The following ECT2L variants were observed in gnomAD, a reference collection of about 807,000 sequenced individuals.
ECT2L encodes the protein epithelial cell-transforming sequence 2 oncogene-like.
ECT2L carries 126 observed loss-of-function variants against 122.8 expected under a neutral mutation model. That is an observed-to-expected ratio of 1.03 (90% CI 0.89 to 1.19). The LOEUF (loss-of-function observed/expected upper bound fraction) is 1.19. ECT2L is among the 50% of genes most tolerant of loss of function. The pLI is 0.00. For missense variants in ECT2L, 1,012 were observed against 1,064.1 expected, an observed-to-expected ratio of 0.95 and a Z score of 0.68; for synonymous variants, 385 against 381.8, an observed-to-expected ratio of 1.01 and a Z score of -0.10.
rs548995613 is a variant in ECT2L at position 138,880,942 on chromosome 6, AAC to A, written c.1666-12_1666-11del. On this transcript the variant is annotated splice_polypyrimidine_tract_variant and intron_variant, in intron 14 of 21. Coordinates refer to ENST00000541398, the MANE Select transcript of ECT2L (RefSeq NM_001077706.3). ...TTCTCCATCACTGACTTGAGTTCTTAACACTTCTCTACAGGAGAGAATACTCC... is the reference window on the plus strand; with the variant it reads ...TTCTCCATCACTGACTTGAGTTCTTAACTTCTCTACAGGAGAGAATACTCC... 2.6e-3 allele frequency: 4,135 copies of A among 1,610,064 alleles called. 42 individuals are homozygous for A. The highest frequency in any genetic ancestry group is 0.018 in the South Asian group (1,601 of 90,810).
intron 1 of ECT2L, among the ~76,000 whole-genome samples, chr6:138,797,503 G>A (rs1385822867): frequency 6.6e-6 from 1 of 152,182 alleles, no homozygotes; most frequent in African/African-American, 2.4e-5. Context: ...TTCTCCAGCT[G>A]TATAACAGAT....
intron 18 of ECT2L, among the ~76,000 whole-genome samples, chr6:138,886,143 C>CT (rs1778813272): frequency 6.6e-6 from 1 of 151,834 alleles, no homozygotes; most frequent in Non-Finnish European, 1.5e-5. Flanking sequence ...AAGTAAAATC[C>CT]TTTGTTTCTG....
In ECT2L at chr6:138,902,796, T is replaced by C. The variant is rs1779448122; in HGVS notation, c.*169T>C. The C allele has an allele frequency of 1.0e-5, 8 of 774,698 alleles. No homozygotes were observed. The South Asian group carries it at 1.2e-4, about 11-fold the overall frequency. 48.0% of individuals were successfully genotyped at this position (774,698 alleles called of 1,614,324 possible). On this transcript the variant is annotated 3_prime_UTR_variant, in exon 22 of 22. Transcript: ENST00000541398. ...AACTTTTAAACTTTATCACTTGTGCTCACTTATGTAGAATGTATAAGTACA... is the reference window on the plus strand; with the variant it reads ...AACTTTTAAACTTTATCACTTGTGCCCACTTATGTAGAATGTATAAGTACA...
intron 20 of ECT2L, among the ~76,000 whole-genome samples, chr6:138,897,116 G>T (rs1204194119): frequency 1.3e-5 from 2 of 152,076 alleles, no homozygotes; most frequent in Non-Finnish European, 2.9e-5. Flanking sequence ...CTGAATCACT[G>T]AATCTATCTG....
At chr6:138,844,387 C>A in intron 6 of ECT2L, 25 bp from the exon 7 acceptor site, 1 of 1,609,438 alleles carries the variant, frequency 6.2e-7, no homozygotes, top group Non-Finnish European at 8.5e-7. Context: ...GTAATCAGCC[C>A]CGCCTGCTGT....
In ECT2L at chr6:138,854,061, G is replaced by A; in HGVS notation, c.1105G>A (p.Glu369Lys). The A allele has an allele frequency of 1.2e-6, 2 of 1,614,152 alleles. No individual in the cohort carries two copies. The highest frequency in any genetic ancestry group is 2.7e-5 in the African/African-American group (2 of 75,040). Reference protein sequence around the residue: ...KIGVKNLLRPEVRDFWEKLGS... With the variant: ...KIGVKNLLRPKVRDFWEKLGS... ...TGGTGTTAAAAATTTACTGAGGCCT[G>A]AAGTGAGAGATTTCTGGGAGAAATT... The change falls in exon 10 of 22, where the codon GAA becomes AAA. Residue 369 changes from glutamate (E) to lysine (K), a missense_variant. Transcript: ENST00000541398.
chr6:138,837,621 T>A (rs1298559506), intron 4 of ECT2L, among the ~76,000 whole-genome samples: 1 of 147,304 alleles, frequency 6.8e-6, no homozygotes, highest in Non-Finnish European at 1.5e-5. Flanking sequence ...AAAATAAGTT[T>A]CTTCTAGAAG....
At chr6:138,895,100 G>GA (rs201479290) in intron 20 of ECT2L, among the ~76,000 whole-genome samples, 25 of 148,754 alleles carry the variant, frequency 1.7e-4, no homozygotes, top group East Asian at 1.2e-3. Context: ...CTCTACAGGG[G>GA]AAAAAAAAAC....
At chr6:138,902,339 A>G (rs1779429777) in intron 21 of ECT2L, among the ~76,000 whole-genome samples, 161 bp from the exon 22 acceptor site, 2 of 152,240 alleles carry the variant, frequency 1.3e-5, no homozygotes, top group Admixed American at 1.3e-4. Flanking sequence ...CTGCATGTGA[A>G]TTATTCAGTA....
chr6:138,884,514 T>C (rs1379241749), intron 16 of ECT2L, among the ~76,000 whole-genome samples: 3 of 152,020 alleles, frequency 2.0e-5, no homozygotes, highest in Admixed American at 2.0e-4. Context: ...GGCGGGCACC[T>C]GTAATCCTAG....
Position 138,846,052 on chromosome 6 carries a change from G to A in ECT2L, c.765-487G>A, listed in dbSNP as rs552357704. ...CACAACTGCACTCCAGCCTGAGTGAGAGAACAAGACCCTGTCACTTAAATT... is the reference window on the plus strand; with the variant it reads ...CACAACTGCACTCCAGCCTGAGTGAAAGAACAAGACCCTGTCACTTAAATT... On this transcript the variant is annotated intron_variant, in intron 7 of 21. Coordinates refer to ENST00000541398, the MANE Select transcript of ECT2L (RefSeq NM_001077706.3). Among the ~76,000 whole-genome samples, 9 of 152,134 alleles carry A rather than the reference G, an allele frequency of 5.9e-5. No individual in the cohort carries two copies. In the East Asian group the frequency reaches 1.7e-3, roughly 29 times the overall value.
At chr6:138,860,344 A>T (rs1057025387) in intron 10 of ECT2L, among the ~76,000 whole-genome samples, 19 of 147,804 alleles carry the variant, frequency 1.3e-4, no homozygotes, top group Non-Finnish European at 2.4e-4. Flanking sequence ...ATAGAGGTTA[A>T]TTTTTTTTTT....
intron 1 of ECT2L, among the ~76,000 whole-genome samples, chr6:138,799,402 C>T (rs1296775071): frequency 6.6e-6 from 1 of 151,912 alleles, no homozygotes; most frequent in Non-Finnish European, 1.5e-5. Context: ...TACAGGCACC[C>T]GCCACCACGC....
chr6:138,855,958 A>T (rs757667999), intron 10 of ECT2L, among the ~76,000 whole-genome samples: 1 of 152,228 alleles, frequency 6.6e-6, no homozygotes, highest in African/African-American at 2.4e-5. Context: ...GTCTCAAGTG[A>T]AACTTAATGA....
intron 4 of ECT2L, among the ~76,000 whole-genome samples, chr6:138,835,962 CCTG>C (rs2128385997): frequency 6.6e-6 from 1 of 152,248 alleles, no homozygotes; most frequent in South Asian, 2.1e-4. Flanking sequence ...AGAGCACAGG[CCTG>C]CTGCTTTGTT....
At position 138,838,344 on chromosome 6, in the gene ECT2L, C is replaced by T. The variant is rs1264092687; in HGVS notation, c.180-8C>T. The T allele has an allele frequency of 1.3e-6, 2 of 1,568,850 alleles. No homozygotes were observed. Among genetic ancestry groups the T allele is most frequent in the Non-Finnish European group, 8.6e-7 (1 of 1,164,850 alleles). On this transcript the variant is annotated splice_region_variant and splice_polypyrimidine_tract_variant and intron_variant, in intron 4 of 21. Transcript: ENST00000541398. ...AGTGTTCTAAACTAAATTTCTCTTT[C>T]TTTTTAGGTTTGTCCAAGACTGGTT...
At chr6:138,804,892 G>A (rs1775663405) in intron 1 of ECT2L, among the ~76,000 whole-genome samples, 1 of 152,152 alleles carries the variant, frequency 6.6e-6, no homozygotes, top group Non-Finnish European at 1.5e-5. Flanking sequence ...CGCAGATCAT[G>A]AGTGTAACGT....
chr6:138,894,224 G>A (rs1282581724), intron 20 of ECT2L, among the ~76,000 whole-genome samples: 4 of 151,602 alleles, frequency 2.6e-5, no homozygotes, highest in Admixed American at 6.6e-5. Flanking sequence ...ACCCAGCTAA[G>A]TTTTGTATTT....
chr6:138,806,986 G>A (rs9495261), intron 1 of ECT2L, among the ~76,000 whole-genome samples: 2,422 of 152,258 alleles, frequency 0.016, 70 homozygotes, highest in African/African-American at 0.055. Flanking sequence ...TCATAAGGAA[G>A]AGAAAATATA....
Sources: gnomAD v4.1 joint callset for allele counts (sites outside exome capture counted in the v4.1 genomes callset) on GRCh38, gnomAD v4.1.1 for gene constraint, MANE v1.5 for transcripts, NCBI Gene and HGNC (gene_info 2026-07-23, HGNC 2026-07-21) for gene names.